Variants in QKI observed in about 807,000 individuals in gnomAD.
QKI encodes the protein KH domain-containing RNA-binding protein QKI.
QKI carries 10 observed loss-of-function variants against 39.0 expected under a neutral mutation model. That is an observed-to-expected ratio of 0.26 (90% CI 0.16 to 0.43). The LOEUF (loss-of-function observed/expected upper bound fraction) is 0.43, where lower values mean the gene tolerates loss of function less well. Among genes scored for constraint, QKI ranks in the 20% least tolerant of loss-of-function variants. The pLI is 1.00. For missense variants in QKI, 218 were observed against 428.0 expected (o/e 0.51, Z 4.33); for synonymous variants, 204 against 155.4 (o/e 1.31, Z -2.33).
chr6:163,481,069 A>G (rs1793040842), intron 3 of QKI, among the ~76,000 whole-genome samples: 3 of 152,210 alleles, frequency 2.0e-5, no homozygotes, highest in Admixed American at 1.3e-4. Context: ...TAAAGTCAGA[A>G]TGGAATGCTT....
chr6:163,437,020 A>G (rs1789351996), intron 1 of QKI, among the ~76,000 whole-genome samples: 1 of 152,182 alleles, frequency 6.6e-6, no homozygotes, highest in Non-Finnish European at 1.5e-5. Flanking sequence ...TTCAAAATAA[A>G]TCAACTCTTT....
At chr6:163,526,214 T>C (rs1182877957) in intron 3 of QKI, among the ~76,000 whole-genome samples, 7 of 152,190 alleles carry the variant, frequency 4.6e-5, no homozygotes, top group Non-Finnish European at 1.0e-4. Context: ...AAGATGATTA[T>C]TGAAACTGGG....
chr6:163,519,185 C>T (rs757932160), intron 3 of QKI, among the ~76,000 whole-genome samples: 11 of 152,216 alleles, frequency 7.2e-5, no homozygotes, highest in Non-Finnish European at 1.5e-4. Flanking sequence ...TGAATAAACA[C>T]CTGAGTATGA....
chr6:163,570,840 C>T lies in QKI; in HGVS notation c.*130C>T, dbSNP rs1481846784. ...CAGCGAGCTGAGGCACTTGTCCGTT[C>T]GTCTTACCATCTAACCAAACAAAAG... On this transcript the variant is annotated 3_prime_UTR_variant, in exon 8 of 8. Coordinates refer to ENST00000361752, the MANE Select transcript of QKI (RefSeq NM_006775.3). 1.2e-5 allele frequency: 15 copies of T among 1,216,726 alleles called. No individual in the cohort carries two copies. The highest frequency in any genetic ancestry group is 5.3e-5 in the East Asian group (2 of 37,674). 75.4% of individuals were successfully genotyped at this position (1,216,726 alleles called of 1,614,324 possible).
intron 1 of QKI, among the ~76,000 whole-genome samples, chr6:163,422,838 A>G (rs1042323258): frequency 2.6e-5 from 4 of 152,184 alleles, no homozygotes; most frequent in African/African-American, 9.7e-5. Context: ...AGGTCATTGT[A>G]GAGACTGGGC....
chr6:163,497,571 A>G (rs774973961), intron 3 of QKI, among the ~76,000 whole-genome samples: 20 of 151,738 alleles, frequency 1.3e-4, no homozygotes, highest in Middle Eastern at 6.8e-3. Flanking sequence ...AATTAGTTCT[A>G]TTTTATCTAG....
chr6:163,549,743 T>C (rs908464247), intron 4 of QKI, among the ~76,000 whole-genome samples: 1 of 152,170 alleles, frequency 6.6e-6, no homozygotes, highest in African/African-American at 2.4e-5. Context: ...ACATACTACA[T>C]GGTGTTCTTT....
intron 1 of QKI, among the ~76,000 whole-genome samples, chr6:163,440,863 G>A (rs903785622): frequency 1.4e-5 from 2 of 140,946 alleles, no homozygotes; most frequent in South Asian, 2.2e-4. Flanking sequence ...TGTATCATTG[G>A]TAAGACAGTT....
At chr6:163,547,260 T>C (rs1473715086) in intron 4 of QKI, among the ~76,000 whole-genome samples, 1 of 152,152 alleles carries the variant, frequency 6.6e-6, no homozygotes, top group African/African-American at 2.4e-5. Context: ...AAAACTGCAG[T>C]TTACAAGGCT....
At chr6:163,498,544 ATCC>A (rs1402268695) in intron 3 of QKI, among the ~76,000 whole-genome samples, 1 of 151,710 alleles carries the variant, frequency 6.6e-6, no homozygotes, top group African/African-American at 2.4e-5. Flanking sequence ...TGTGTCCCTC[ATCC>A]CCCTTCACTT....
chr6:163,415,077 C>T lies in QKI; in HGVS notation c.-117C>T. 4.2e-6 allele frequency: 4 copies of T among 956,626 alleles called. No individual in the cohort carries two copies. Among genetic ancestry groups the T allele is most frequent in the Non-Finnish European group, 5.0e-6 (4 of 803,420 alleles). 59.3% of individuals were successfully genotyped at this position (956,626 alleles called of 1,614,324 possible). A position where few individuals can be genotyped will look rare whatever the true frequency, so the allele number is the denominator to read the frequency against. On this transcript the variant is annotated 5_prime_UTR_variant, in exon 1 of 8. Coordinates refer to ENST00000361752, the MANE Select transcript of QKI (RefSeq NM_006775.3). ...GCGCGGGAGCCAGAGCGGGAGCCGGCGCGGAGCGGGACGCCGGGTCCCGAG... is the reference window on the plus strand; with the variant it reads ...GCGCGGGAGCCAGAGCGGGAGCCGGTGCGGAGCGGGACGCCGGGTCCCGAG...
At chr6:163,488,122 T>C (rs1056257507) in intron 3 of QKI, among the ~76,000 whole-genome samples, 8 of 152,218 alleles carry the variant, frequency 5.3e-5, no homozygotes, top group Non-Finnish European at 8.8e-5. Context: ...TTGAAGATAT[T>C]ATTTTTAACT....
chr6:163,563,214 A>G (rs1205648805), intron 5 of QKI, among the ~76,000 whole-genome samples: 1 of 152,138 alleles, frequency 6.6e-6, no homozygotes, highest in Non-Finnish European at 1.5e-5. Flanking sequence ...ATTTTTGCAC[A>G]TTCTTAATCA....
At chr6:163,541,790 T>C (rs1430390499) in intron 4 of QKI, among the ~76,000 whole-genome samples, 3 of 152,000 alleles carry the variant, frequency 2.0e-5, no homozygotes, top group Non-Finnish European at 4.4e-5. Context: ...TTTATTTTTT[T>C]CTCCCCAAAT....
At chr6:163,415,674 C>T (rs1787395655) in intron 1 of QKI, among the ~76,000 whole-genome samples, 1 of 151,866 alleles carries the variant, frequency 6.6e-6, no homozygotes, top group South Asian at 2.1e-4. Context: ...GCTGCGCGGA[C>T]TCGGTGGTCC....
At chr6:163,537,102 G>A (rs1420179510) in intron 4 of QKI, among the ~76,000 whole-genome samples, 1 of 152,106 alleles carries the variant, frequency 6.6e-6, no homozygotes, top group Non-Finnish European at 1.5e-5. Flanking sequence ...CAGCTACTTG[G>A]GAGGCTAATG....
intron 3 of QKI, among the ~76,000 whole-genome samples, chr6:163,502,565 G>A (rs375760007): frequency 6.6e-6 from 1 of 152,048 alleles, no homozygotes; most frequent in Non-Finnish European, 1.5e-5. Flanking sequence ...TAAAATTTTT[G>A]TGCTTCATAA....
intron 3 of QKI, among the ~76,000 whole-genome samples, chr6:163,494,123 A>G (rs1347939928): frequency 6.6e-6 from 1 of 152,224 alleles, no homozygotes; most frequent in Non-Finnish European, 1.5e-5. Context: ...CCACAGATCA[A>G]AAAATATTCG....
chr6:163,470,598 A>G (rs925674026), intron 2 of QKI, among the ~76,000 whole-genome samples: 2 of 152,194 alleles, frequency 1.3e-5, no homozygotes, highest in Non-Finnish European at 2.9e-5. Flanking sequence ...CTGAAAAACA[A>G]TACAAAATCC....
Sources: gnomAD v4.1 joint callset for allele counts (sites outside exome capture counted in the v4.1 genomes callset) on GRCh38, gnomAD v4.1.1 for gene constraint, MANE v1.5 for transcripts, NCBI Gene and HGNC (gene_info 2026-07-23, HGNC 2026-07-21) for gene names.